ADGRG6: variants seen among roughly 807,000 people sequenced by gnomAD.
The protein encoded by ADGRG6 is adhesion G protein-coupled receptor G6.
In ADGRG6, 84 loss-of-function variants were observed where a neutral mutation model predicts 142.4. The observed-to-expected ratio is 0.59, with a 90% CI of 0.49 to 0.71. The LOEUF (loss-of-function observed/expected upper bound fraction) is 0.71. Ranked by LOEUF, ADGRG6 falls within the 30% of genes least tolerant of loss-of-function variation. The probability of loss-of-function intolerance (pLI) is 0.00; values close to 1 mark genes in which losing one functional copy is unlikely to be tolerated. For synonymous variants in ADGRG6, 521 were observed against 520.5 expected (o/e 1.00, Z -0.01); for missense variants, 1,367 against 1,466.6 (o/e 0.93, Z 1.11).
chr6:142,416,065 G>T lies in ADGRG6; in HGVS notation c.2938+1G>T. ...CTAAAATTCTGCATCATTGGCTGGGGTAAGCCTCTTAAAATTTTTTTGGTT... is the reference window on the plus strand; with the variant it reads ...CTAAAATTCTGCATCATTGGCTGGGTTAAGCCTCTTAAAATTTTTTTGGTT... On this transcript the variant is annotated splice_donor_variant, in intron 20 of 24. Transcript: ENST00000367609. LOFTEE classifies it high-confidence loss of function. The T allele has an allele frequency of 1.3e-6, 2 of 1,590,708 alleles. No homozygotes were observed. The highest frequency in any genetic ancestry group is 1.7e-6 in the Non-Finnish European group (2 of 1,167,200).
intron 2 of ADGRG6, among the ~76,000 whole-genome samples, chr6:142,359,816 G>A (rs1780630680): frequency 3.3e-5 from 5 of 152,172 alleles, no homozygotes; most frequent in Admixed American, 3.3e-4. Context: ...TGTGAACAGA[G>A]CTAATAAGGA....
rs541243272 is a variant in ADGRG6, at chr6:142,418,295, T to TAAA, written c.3035+947_3035+949dup. 4.4e-4 allele frequency among the ~76,000 whole-genome samples: 35 copies of TAAA among 79,786 alleles called. 1 individual carries two copies. In the South Asian group the frequency reaches 0.012, roughly 27 times the overall value. The allele number at this position is 79,786 out of a possible 152,430, so 52.3% of individuals were successfully genotyped here. A position where few individuals can be genotyped will look rare whatever the true frequency, so the allele number is the denominator to read the frequency against. ...CTGGGCAACAGAGTGAGACTCCATC[T>TAAA]AAAAAAAAAAAAAAAAAAAAAAACC... On this transcript the variant is annotated intron_variant, in intron 21 of 24. Coordinates refer to ENST00000367609, the MANE Select transcript of ADGRG6 (RefSeq NM_198569.3).
intron 6 of ADGRG6, among the ~76,000 whole-genome samples, chr6:142,389,252 A>C (rs1239109503): frequency 6.6e-6 from 1 of 151,868 alleles, no homozygotes; most frequent in Non-Finnish European, 1.5e-5. Context: ...GCAAACTTTT[A>C]CATTTTTTTT....
Position 142,443,904 on chromosome 6 carries a change from T to C in ADGRG6, c.*389T>C, listed in dbSNP as rs1287816333. The C allele has an allele frequency of 6.5e-6, 1 of 154,412 alleles. No homozygotes were observed. The highest frequency in any genetic ancestry group is 1.9e-4 in the East Asian group (1 of 5,266). 9.6% of individuals were successfully genotyped at this position (154,412 alleles called of 1,614,324 possible). On this transcript the variant is annotated 3_prime_UTR_variant, in exon 25 of 25. Transcript: ENST00000367609. ...ATCGTTATATCTGGATATACCCATT[T>C]TCTGCATCTTCTTTCTCAACAATAA...
chr6:142,400,136 G>T (rs575594734), intron 10 of ADGRG6, among the ~76,000 whole-genome samples: 112 of 152,048 alleles, frequency 7.4e-4, no homozygotes, highest in Non-Finnish European at 1.2e-3. Context: ...GAATTTTTCA[G>T]GATTGTTTTC....
chr6:142,422,410 T>C (rs1367319861), intron 22 of ADGRG6, among the ~76,000 whole-genome samples: 3 of 152,052 alleles, frequency 2.0e-5, no homozygotes, highest in African/African-American at 7.2e-5. Context: ...TGACAATATG[T>C]GGTGTTTGGT....
In ADGRG6 at chr6:142,442,080, A is replaced by T. The variant is rs753733250; in HGVS notation, c.3575-1257A>T. Among the ~76,000 whole-genome samples, 4 of 152,188 alleles carry T rather than the reference A, an allele frequency of 2.6e-5. No homozygotes were observed. The East Asian group carries it at 5.8e-4, about 22-fold the overall frequency. ...AAAGACAACAGATATCATGATGATG[A>T]TGGCTTTTACCAATTATTGATGGAT... On this transcript the variant is annotated intron_variant, in intron 24 of 24. Transcript: ENST00000367609.
chr6:142,408,666 G>A (rs776713045), intron 16 of ADGRG6, among the ~76,000 whole-genome samples: 2 of 152,172 alleles, frequency 1.3e-5, no homozygotes, highest in African/African-American at 2.4e-5. Flanking sequence ...AAGAAACAGG[G>A]GAGGGTGGAC....
intron 2 of ADGRG6, among the ~76,000 whole-genome samples, chr6:142,336,525 T>C (rs569743438): frequency 4.6e-5 from 7 of 152,308 alleles, no homozygotes; most frequent in African/African-American, 1.4e-4. Flanking sequence ...ATAGCTTATC[T>C]GTTACATGGT....
chr6:142,380,785 A>G (rs1019352849), intron 4 of ADGRG6, among the ~76,000 whole-genome samples: 2 of 152,250 alleles, frequency 1.3e-5, no homozygotes, highest in Middle Eastern at 3.4e-3. Flanking sequence ...GCACTTCCCT[A>G]ATAGCACTTA....
At chr6:142,386,759 G>A (rs1208509047) in intron 6 of ADGRG6, among the ~76,000 whole-genome samples, 1 of 152,142 alleles carries the variant, frequency 6.6e-6, no homozygotes, top group African/African-American at 2.4e-5. Context: ...GTTCAGGGTA[G>A]CGGGTGGCTG....
At chr6:142,396,887 A>G (rs1321385007) in intron 9 of ADGRG6, among the ~76,000 whole-genome samples, 1 of 152,172 alleles carries the variant, frequency 6.6e-6, no homozygotes, top group East Asian at 1.9e-4. Flanking sequence ...ATTACTTTAA[A>G]TTGTAGAACC....
intron 11 of ADGRG6, among the ~76,000 whole-genome samples, chr6:142,401,549 T>G (rs576198298): frequency 2.0e-5 from 3 of 152,332 alleles, no homozygotes; most frequent in Admixed American, 1.3e-4. Flanking sequence ...TACAGTTTTA[T>G]TTTCAAAGGA....
chr6:142,432,491 C>T (rs932532281), intron 22 of ADGRG6, among the ~76,000 whole-genome samples: 1 of 151,884 alleles, frequency 6.6e-6, no homozygotes, highest in Admixed American at 6.6e-5. Flanking sequence ...TAATTTGTTA[C>T]GCTTATTATG....
rs1321508452 is a variant in ADGRG6 at position 142,367,753 on chromosome 6, T to C, written c.288T>C (p.Tyr96=). The stretch of plus-strand genomic sequence containing the variant: ...TTGAAGAAGCTCCCAATTGCATTTA[T>C]GACTCATTATCCCTTGATAATGGAG... ...FDIEEAPNCI[Y]DSLSLDNGES... Residue 96 remains tyrosine, a synonymous_variant, in exon 3 of 25, where the codon TAT becomes TAC. Coordinates refer to ENST00000367609, the MANE Select transcript of ADGRG6 (RefSeq NM_198569.3). 6.2e-7 allele frequency: 1 copy of C among 1,613,956 alleles called. No individual in the cohort carries two copies. The highest frequency in any genetic ancestry group is 8.5e-7 in the Non-Finnish European group (1 of 1,179,830).
At chr6:142,413,899 T>TCTCACACA (rs200677950) in intron 18 of ADGRG6, among the ~76,000 whole-genome samples, 22 of 141,486 alleles carry the variant, frequency 1.6e-4, no homozygotes, top group African/African-American at 4.5e-4. Flanking sequence ...CATTTCTTTA[T>TCTCACACA]CACACACACA....
chr6:142,317,789 TAA>T (rs1491127870), intron 2 of ADGRG6, among the ~76,000 whole-genome samples: 10 of 90,672 alleles, frequency 1.1e-4, no homozygotes, highest in African/African-American at 4.5e-4. Context: ...TATTTATATA[TAA>T]TATATATATT....
At chr6:142,400,408 C>T (rs1775450318) in intron 10 of ADGRG6, 77 bp from the exon 11 acceptor site, 1 of 707,526 alleles carries the variant, frequency 1.4e-6, no homozygotes, top group Non-Finnish European at 2.6e-6. Context: ...TGTCATTTTG[C>T]TTTCATCCTG....
chr6:142,343,889 GA>G (rs1779775161), intron 2 of ADGRG6, among the ~76,000 whole-genome samples: 1 of 151,876 alleles, frequency 6.6e-6, no homozygotes, highest in African/African-American at 2.4e-5. Flanking sequence ...GAAACATTAA[GA>G]CTTAGAAAAC....
Sources: gnomAD v4.1 joint callset for allele counts (sites outside exome capture counted in the v4.1 genomes callset) on GRCh38, gnomAD v4.1.1 for gene constraint, MANE v1.5 for transcripts, NCBI Gene and HGNC (gene_info 2026-07-23, HGNC 2026-07-21) for gene names.